The following ANKIB1 variants were observed in gnomAD, a reference collection of about 807,000 sequenced individuals.
ANKIB1 encodes ankyrin repeat and IBR domain-containing protein 1.
In ANKIB1, 43 loss-of-function variants were observed where a neutral mutation model predicts 122.1. The observed-to-expected ratio is 0.35, with a 90% CI of 0.28 to 0.45. The LOEUF (loss-of-function observed/expected upper bound fraction) is 0.45, where lower values mean the gene tolerates loss of function less well. ANKIB1 is among the 20% of genes least tolerant of loss of function. ANKIB1 has a pLI of 1.00. For synonymous variants in ANKIB1, 390 were observed against 442.0 expected (o/e 0.88, Z 1.48); for missense variants, 992 against 1,329.5 (o/e 0.75, Z 3.95).
At chr7:92,284,378 A>G (rs1295943206) in intron 1 of ANKIB1, among the ~76,000 whole-genome samples, 27 of 152,134 alleles carry the variant, frequency 1.8e-4, no homozygotes, top group Admixed American at 1.8e-3. Flanking sequence ...GGCCTTCTTT[A>G]TTGTCAGTTG....
chr7:92,361,562 G>A (rs996062059), intron 9 of ANKIB1, among the ~76,000 whole-genome samples: 1 of 152,068 alleles, frequency 6.6e-6, no homozygotes, highest in Non-Finnish European at 1.5e-5. Context: ...TATTAATGAG[G>A]ATAAAACGTA....
chr7:92,296,237 A>T (rs977758305), intron 2 of ANKIB1, among the ~76,000 whole-genome samples: 2 of 150,840 alleles, frequency 1.3e-5, no homozygotes, highest in African/African-American at 2.4e-5. Flanking sequence ...TTTTTTTTTT[A>T]ATAGAAACGG....
chr7:92,283,134 A>G (rs1307374919), intron 1 of ANKIB1, among the ~76,000 whole-genome samples: 3 of 152,108 alleles, frequency 2.0e-5, no homozygotes, highest in African/African-American at 7.2e-5. Flanking sequence ...TTACTGAGAA[A>G]CCTCAGACAG....
At chr7:92,267,320 A>G (rs1361130578) in intron 1 of ANKIB1, among the ~76,000 whole-genome samples, 1 of 152,224 alleles carries the variant, frequency 6.6e-6, no homozygotes, top group Admixed American at 6.5e-5. Flanking sequence ...CTATGTCATT[A>G]GCATCCAGAT....
chr7:92,266,393 T>A (rs1801672297), intron 1 of ANKIB1, among the ~76,000 whole-genome samples: 1 of 152,172 alleles, frequency 6.6e-6, no homozygotes, highest in African/African-American at 2.4e-5. Flanking sequence ...TGTATATATA[T>A]GTAGCAGATA....
At chr7:92,293,822 T>C (rs1297882508) in intron 1 of ANKIB1, among the ~76,000 whole-genome samples, 1 of 152,238 alleles carries the variant, frequency 6.6e-6, no homozygotes, top group East Asian at 1.9e-4. Context: ...TGCCTTTGCA[T>C]ATGCTGTTTT....
intron 1 of ANKIB1, among the ~76,000 whole-genome samples, chr7:92,267,265 C>A (rs922506529): frequency 6.6e-6 from 1 of 152,080 alleles, no homozygotes; most frequent in African/African-American, 2.4e-5. Flanking sequence ...TAAAAACTTA[C>A]AAATCAAGAA....
chr7:92,257,476 T>G (rs1407467564), intron 1 of ANKIB1, among the ~76,000 whole-genome samples: 1 of 152,200 alleles, frequency 6.6e-6, no homozygotes, highest in Non-Finnish European at 1.5e-5. Context: ...TTGCTTTTAT[T>G]TCCGGAAAGC....
At chr7:92,318,705 A>C (rs578224971) in intron 3 of ANKIB1, among the ~76,000 whole-genome samples, 1 of 152,194 alleles carries the variant, frequency 6.6e-6, no homozygotes, top group Non-Finnish European at 1.5e-5. Context: ...TCAAGCTACT[A>C]TTCCATGTGT....
chr7:92,397,781 A>G lies in ANKIB1; in HGVS notation c.2454A>G (p.Ala818=), dbSNP rs1443775643. The change falls in exon 19 of 20, where the codon GCA becomes GCG. Residue 818 remains alanine (A), a synonymous_variant. Coordinates refer to ENST00000265742, the MANE Select transcript of ANKIB1 (RefSeq NM_019004.2). The stretch of plus-strand genomic sequence containing the variant: ...CTGGCACATCCGTGGTAAGTTCTGC[A>G]TCTATGAGTGTGCTGCACAGCTCTT... ...RRPGTSVVSS[A]SMSVLHSSSL... is the part of the protein sequence containing the mutation. 1.2e-6 allele frequency: 2 copies of G among 1,609,344 alleles called. No individual in the cohort carries two copies. The highest frequency in any genetic ancestry group is 1.3e-5 in the African/African-American group (1 of 74,614).
rs1804934233 is a variant in ANKIB1 at position 92,397,850 on chromosome 7, C to A, written c.2523C>A (p.Asp841Glu). Residue 841 changes from aspartate to glutamate, a missense_variant, in exon 19 of 20, where the codon GAC becomes GAA. Around this residue, in one of 4 missense-constraint regions of ANKIB1, gnomAD observed 384 missense variants for 412.0 expected, o/e 0.93. Coordinates refer to ENST00000265742, the MANE Select transcript of ANKIB1 (RefSeq NM_019004.2). ...CTGCCAGTCGCTCTGAAAACCAGGA[C>A]TCTCTTCAGGTAGCCTTTCTGAACA... ...YTPASRSENQ[D>E]SLQALSSLDE... 1.2e-6 allele frequency: 2 copies of A among 1,607,872 alleles called. No individual in the cohort carries two copies.
chr7:92,399,329 C>T lies in ANKIB1; in HGVS notation c.*380C>T, dbSNP rs183447226. The T allele has an allele frequency of 2.0e-5, 3 of 151,256 alleles. No homozygotes were observed. In the East Asian group the frequency reaches 5.7e-4, roughly 29 times the overall value. The allele number at this position is 151,256 out of a possible 1,614,324, so 9.4% of individuals were successfully genotyped here. ...TACTCCCTAATCTTTGGGTGGCTTT[C>T]CTTTAAAAAAAAAAAAAAAGTTTTC... On this transcript the variant is annotated 3_prime_UTR_variant, in exon 20 of 20. Transcript: ENST00000265742.
At chr7:92,269,134 G>T (rs756205764) in intron 1 of ANKIB1, among the ~76,000 whole-genome samples, 11 of 152,104 alleles carry the variant, frequency 7.2e-5, no homozygotes, top group Non-Finnish European at 1.5e-4. Flanking sequence ...TATAGCATAG[G>T]TTCACTTTCT....
rs776841813 is a variant in ANKIB1 at position 92,387,817 on chromosome 7, G to A, written c.1772G>A (p.Arg591Gln). The A allele has an allele frequency of 2.9e-5, 46 of 1,610,480 alleles. No individual in the cohort carries two copies. Among genetic ancestry groups the A allele is most frequent in the South Asian group, 2.2e-5 (2 of 89,926 alleles). ...MTVEAEKKHK[R>Q]FQELDRFMHY... The stretch of plus-strand genomic sequence containing the variant: ...TTCTAGGCTGAGAAAAAACACAAAC[G>A]ATTTCAGGAACTTGACAGATTTATG... The change falls in exon 13 of 20, where the codon CGA becomes CAA. Residue 591 changes from arginine to glutamine, a missense_variant. Coordinates refer to ENST00000265742, the MANE Select transcript of ANKIB1 (RefSeq NM_019004.2).
intron 9 of ANKIB1, among the ~76,000 whole-genome samples, chr7:92,355,882 A>ATAATAG (rs1554345435): frequency 1.1e-4 from 12 of 112,698 alleles, no homozygotes; most frequent in Admixed American, 1.8e-4. Context: ...AATAATAATA[A>ATAATAG]TAATAGTAAT....
At chr7:92,269,719 A>G (rs1382634008) in intron 1 of ANKIB1, among the ~76,000 whole-genome samples, 1 of 151,984 alleles carries the variant, frequency 6.6e-6, no homozygotes, top group East Asian at 1.9e-4. Flanking sequence ...TTGGTGTTGT[A>G]TCTTCTTTCT....
intron 5 of ANKIB1, 73 bp downstream of exon 5, chr7:92,327,973 A>G (rs1203052073): frequency 5.2e-6 from 5 of 963,280 alleles, no homozygotes; most frequent in African/African-American, 3.4e-5. Context: ...TAAAAGGGCT[A>G]TTTTTGTATT....
intron 11 of ANKIB1, among the ~76,000 whole-genome samples, chr7:92,378,014 A>G (rs1364728837): frequency 6.6e-6 from 1 of 152,212 alleles, no homozygotes; most frequent in Non-Finnish European, 1.5e-5. Context: ...TCTGCTTCAC[A>G]AGATTATAAA....
At chr7:92,271,772 A>G (rs534184270) in intron 1 of ANKIB1, among the ~76,000 whole-genome samples, 3 of 152,328 alleles carry the variant, frequency 2.0e-5, no homozygotes, top group Middle Eastern at 6.8e-3. Flanking sequence ...AAAATAGAAC[A>G]AAATATAAAG....
Sources: gnomAD v4.1 joint callset for allele counts (sites outside exome capture counted in the v4.1 genomes callset) on GRCh38, gnomAD v4.1.1 for gene constraint, gnomAD v4.1.1 regional missense constraint, MANE v1.5 for transcripts, NCBI Gene and HGNC (gene_info 2026-07-23, HGNC 2026-07-21) for gene names.